Variants in STX18 observed in about 807,000 individuals in gnomAD.
STX18 encodes the protein syntaxin 18.
In STX18, 40 loss-of-function variants were observed where a neutral mutation model predicts 50.1. The ratio of observed to expected loss-of-function variants is 0.80; its 90% CI spans 0.62 to 1.04. STX18 has a LOEUF of 1.04. Among genes scored for constraint, STX18 ranks in the 50% least tolerant of loss-of-function variants. The probability of loss-of-function intolerance (pLI) is 0.00; values close to 1 mark genes in which losing one functional copy is unlikely to be tolerated. For synonymous variants in STX18, 158 were observed against 151.8 expected, an observed-to-expected ratio of 1.04 and a Z score of -0.30; for missense variants, 410 against 415.8, an observed-to-expected ratio of 0.99 and a Z score of 0.12.
At chr4:4,489,459 A>C (rs979676476) in intron 1 of STX18, among the ~76,000 whole-genome samples, 1 of 109,376 alleles carries the variant, frequency 9.1e-6, no homozygotes, top group African/African-American at 3.6e-5. Context: ...CATGTTGCCC[A>C]GGCTGGTCTC....
chr4:4,537,300 T>C (rs1282839953), intron 1 of STX18, among the ~76,000 whole-genome samples: 2 of 152,238 alleles, frequency 1.3e-5, no homozygotes, highest in Non-Finnish European at 2.9e-5. Flanking sequence ...CATCAGGCAC[T>C]GTCCCAGGCA....
At chr4:4,435,153 ATTCAGAATGTC>A (rs1371830658) in intron 6 of STX18, among the ~76,000 whole-genome samples, 1 of 152,212 alleles carries the variant, frequency 6.6e-6, no homozygotes. Flanking sequence ...AATGGACATT[ATTCAGAATGTC>A]TTCAGAATTC....
intron 1 of STX18, among the ~76,000 whole-genome samples, chr4:4,531,175 A>ACACC (rs928961261): frequency 2.0e-5 from 3 of 151,806 alleles, no homozygotes; most frequent in African/African-American, 7.3e-5. Context: ...ACACACACAC[A>ACACC]CCCTGGACTA....
chr4:4,496,749 G>C (rs1729194310), intron 1 of STX18, among the ~76,000 whole-genome samples: 2 of 152,170 alleles, frequency 1.3e-5, no homozygotes, highest in South Asian at 4.1e-4. Flanking sequence ...GTCTCACCAT[G>C]AGTTTGGAGA....
chr4:4,469,976 T>C (rs1461427166), intron 2 of STX18, among the ~76,000 whole-genome samples: 4 of 152,202 alleles, frequency 2.6e-5, no homozygotes, highest in African/African-American at 9.7e-5. Flanking sequence ...TCCCGATCCC[T>C]GTTACCTTGG....
At chr4:4,494,827 C>G (rs939447773) in intron 1 of STX18, among the ~76,000 whole-genome samples, 2 of 152,076 alleles carry the variant, frequency 1.3e-5, no homozygotes, top group Non-Finnish European at 2.9e-5. Context: ...AGGAGCCCCA[C>G]GTGTGCCAAG....
chr4:4,477,553 G>A (rs1728248980), intron 1 of STX18, among the ~76,000 whole-genome samples: 3 of 152,212 alleles, frequency 2.0e-5, no homozygotes, highest in Admixed American at 2.0e-4. Context: ...ATGCCCAGGA[G>A]CAGTGACAGC....
At position 4,459,419 on chromosome 4, in the gene STX18, A is replaced by G; in HGVS notation, c.305T>C (p.Ile102Thr). The change falls in exon 3 of 11, where the codon ATA (isoleucine) becomes ACA (threonine). Residue 102 changes from isoleucine (I) to threonine (T), a missense_variant. Transcript: ENST00000306200. ...TGCTTCTGAACAGGTCCTCATGAAT[A>G]TCTGGGCATCCTGGTCTATCTGGTC... ...ERDQIDQDAQ[I>T]FMRTCSEAIQ... The G allele has an allele frequency of 6.2e-7, 1 of 1,614,154 alleles. No individual in the cohort carries two copies. The highest frequency in any genetic ancestry group is 8.5e-7 in the Non-Finnish European group (1 of 1,180,022).
At chr4:4,462,557 A>G (rs1322014808) in intron 2 of STX18, among the ~76,000 whole-genome samples, 1 of 152,176 alleles carries the variant, frequency 6.6e-6, no homozygotes, top group East Asian at 1.9e-4. Context: ...GAAAATGAGT[A>G]AAAGATAAAA....
Position 4,420,736 on chromosome 4 carries a change from AT to A in STX18, c.912+127del. The A allele has an allele frequency of 1.2e-6, 1 of 833,400 alleles. No individual in the cohort carries two copies. The highest frequency in any genetic ancestry group is 2.0e-6 in the Non-Finnish European group (1 of 507,138). The allele number at this position is 833,400 out of a possible 1,614,324, so 51.6% of individuals were successfully genotyped here. ...ACACACGCAGCTCCGCGGTCACACA[AT>A]TTTGTGATCAGCCCCGTGAGCTCTG... On this transcript the variant is annotated intron_variant, in intron 10 of 10. Coordinates refer to ENST00000306200, the MANE Select transcript of STX18 (RefSeq NM_016930.4). This position sits in a 1 kb window ranked among gnomAD's most constrained non-coding sequence, Gnocchi z 4.3.
chr4:4,488,644 A>T (rs1005995727), intron 1 of STX18, among the ~76,000 whole-genome samples: 3 of 152,218 alleles, frequency 2.0e-5, no homozygotes, highest in African/African-American at 7.2e-5. Flanking sequence ...ACAACAGCCT[A>T]GTTTTAAGAT....
In STX18 at chr4:4,504,027, T is replaced by C. The variant is rs62289849; in HGVS notation, c.169-32321A>G. On this transcript the variant is annotated intron_variant, in intron 1 of 10. Transcript: ENST00000306200. ...CTTTTAGGGGATACATGAATAAAAA[T>C]GTGTAAAGGTCACTGACTTACACAT... 3.5e-3 allele frequency among the ~76,000 whole-genome samples: 535 copies of C among 152,322 alleles called. 2 individuals carry two copies. The highest frequency in any genetic ancestry group is 6.4e-3 in the Non-Finnish European group (437 of 68,020).
At chr4:4,470,028 G>A (rs1269755829) in intron 2 of STX18, among the ~76,000 whole-genome samples, 2 of 152,146 alleles carry the variant, frequency 1.3e-5, no homozygotes, top group Admixed American at 1.3e-4. Flanking sequence ...ATGACCTAAT[G>A]TACTATACAC....
chr4:4,536,060 C>T (rs1025602017), intron 1 of STX18, among the ~76,000 whole-genome samples: 1 of 152,186 alleles, frequency 6.6e-6, no homozygotes, highest in Non-Finnish European at 1.5e-5. Context: ...TCTGCTTTTC[C>T]ACTAGAATGT....
intron 5 of STX18, among the ~76,000 whole-genome samples, chr4:4,452,492 G>C (rs1034457293): frequency 6.6e-6 from 1 of 152,194 alleles, no homozygotes; most frequent in Non-Finnish European, 1.5e-5. Flanking sequence ...TTCTTGTTAA[G>C]GGCTAATGCA....
intron 1 of STX18, among the ~76,000 whole-genome samples, chr4:4,497,013 TA>T (rs1729209188): frequency 6.6e-6 from 1 of 152,192 alleles, no homozygotes; most frequent in Non-Finnish European, 1.5e-5. Flanking sequence ...CCTCATGTTT[TA>T]CGCGAAACAA....
rs538905926 is a variant in STX18, at chr4:4,435,885, T to C, written c.614-1027A>G. ...CCGCCCAGGATGACGGTAAGAGGTC[T>C]GTGCAGTTCATCACCGGGGTAGGGT... On this transcript the variant is annotated intron_variant, in intron 6 of 10. Transcript: ENST00000306200. Among the ~76,000 whole-genome samples, 5 of 152,308 alleles carry C rather than the reference T, an allele frequency of 3.3e-5. No individual in the cohort carries two copies. The East Asian group carries it at 5.8e-4, about 18-fold the overall frequency.
chr4:4,541,292 C>A (rs1285077194), intron 1 of STX18, among the ~76,000 whole-genome samples: 3 of 152,172 alleles, frequency 2.0e-5, no homozygotes. Context: ...TACCCTAAAC[C>A]CGTCTCAAGA....
At chr4:4,478,388 A>G (rs985141210) in intron 1 of STX18, among the ~76,000 whole-genome samples, 1 of 152,214 alleles carries the variant, frequency 6.6e-6, no homozygotes, top group Non-Finnish European at 1.5e-5. Context: ...GAATGGTCAG[A>G]AAGACTGGCA....
Sources: gnomAD v4.1 joint callset for allele counts (sites outside exome capture counted in the v4.1 genomes callset) on GRCh38, gnomAD v4.1.1 for gene constraint, Gnocchi (gnomAD v3.1) non-coding constraint, MANE v1.5 for transcripts, NCBI Gene and HGNC (gene_info 2026-07-23, HGNC 2026-07-21) for gene names.